The following NALF1 variants were observed in gnomAD, a reference collection of about 807,000 sequenced individuals.
The protein encoded by NALF1 is NALCN channel auxiliary factor 1, also known as family with sequence similarity 155 member A.
Under a neutral mutation model 48.4 loss-of-function variants are expected in NALF1, and 3 were observed. The observed-to-expected ratio is 0.06, with a 90% CI of 0.03 to 0.16. The LOEUF (loss-of-function observed/expected upper bound fraction) is 0.16, where lower values mean the gene tolerates loss of function less well. Ranked by LOEUF, NALF1 falls within the 10% of genes least tolerant of loss-of-function variation. The pLI is 1.00. For missense variants in NALF1, 526 were observed against 571.5 expected (o/e 0.92, Z 0.81); for synonymous variants, 262 against 245.7 (o/e 1.07, Z -0.62).
At chr13:107,828,238 C>T (rs1463287324) in intron 1 of NALF1, among the ~76,000 whole-genome samples, 1 of 152,172 alleles carries the variant, frequency 6.6e-6, no homozygotes, top group Non-Finnish European at 1.5e-5. Context: ...TTTAGTAGCA[C>T]TGACATTCCA....
At chr13:107,224,754 T>C (rs956721238) in intron 1 of NALF1, among the ~76,000 whole-genome samples, 34 of 152,150 alleles carry the variant, frequency 2.2e-4, no homozygotes, top group African/African-American at 8.0e-4. Flanking sequence ...CTGATTGTGA[T>C]ACAAATTGCA....
At chr13:107,359,548 A>G (rs548131714) in intron 1 of NALF1, among the ~76,000 whole-genome samples, 12 of 152,236 alleles carry the variant, frequency 7.9e-5, no homozygotes, top group African/African-American at 2.9e-4. Flanking sequence ...AATTACAAAA[A>G]TTATAAAGTT....
At chr13:107,276,874 C>G (rs989852958) in intron 1 of NALF1, among the ~76,000 whole-genome samples, 13 of 152,026 alleles carry the variant, frequency 8.6e-5, no homozygotes, top group Admixed American at 4.6e-4. Context: ...ATTTTAACTA[C>G]TAGATATTTA....
intron 1 of NALF1, among the ~76,000 whole-genome samples, chr13:107,602,353 T>A (rs1301117412): frequency 6.6e-6 from 1 of 152,176 alleles, no homozygotes; most frequent in Non-Finnish European, 1.5e-5. Flanking sequence ...CCTGTTATAA[T>A]GTAAGGCACA....
chr13:107,804,782 GAAC>G (rs1396822365), intron 1 of NALF1, among the ~76,000 whole-genome samples: 1 of 152,150 alleles, frequency 6.6e-6, no homozygotes, highest in Non-Finnish European at 1.5e-5. Context: ...GTGGTGTAAT[GAAC>G]AATACCAGAG....
chr13:107,666,000 CAGAA>C (rs1225633116), intron 1 of NALF1, among the ~76,000 whole-genome samples: 7 of 151,876 alleles, frequency 4.6e-5, no homozygotes, highest in Non-Finnish European at 8.8e-5. Flanking sequence ...AATTAGGAAA[CAGAA>C]AGAAGTCACA....
intron 1 of NALF1, among the ~76,000 whole-genome samples, chr13:107,454,577 C>T (rs1336066078): frequency 6.6e-6 from 1 of 152,284 alleles, no homozygotes; most frequent in Admixed American, 6.5e-5. Context: ...GGGATTACAA[C>T]ACAAGATGAT....
intron 1 of NALF1, among the ~76,000 whole-genome samples, chr13:107,217,461 G>GC (rs1297452943): frequency 6.6e-6 from 1 of 152,096 alleles, no homozygotes; most frequent in Non-Finnish European, 1.5e-5. Context: ...TTCTTTCTGG[G>GC]CAACCGTCCA....
rs147203266 is a variant in NALF1, at chr13:107,597,430, T to A, written c.915+268252A>T. Reference sequence around the variant, plus strand: ...CCTATGTAGTATTTCATCTCCCACATAATTACTTTGAAGCCTCTCCTTTTA... The same window carrying A: ...CCTATGTAGTATTTCATCTCCCACAAAATTACTTTGAAGCCTCTCCTTTTA... On this transcript the variant is annotated intron_variant, in intron 1 of 2. Transcript: ENST00000375915. 4.5e-4 allele frequency among the ~76,000 whole-genome samples: 68 copies of A among 152,310 alleles called. 1 individual carries two copies. Among genetic ancestry groups the A allele is most frequent in the African/African-American group, 1.3e-3 (56 of 41,576 alleles).
At chr13:107,657,931 G>C (rs1039873807) in intron 1 of NALF1, among the ~76,000 whole-genome samples, 1 of 152,078 alleles carries the variant, frequency 6.6e-6, no homozygotes, top group African/African-American at 2.4e-5. Context: ...GGTAAACTCT[G>C]TTTTTGTTGA....
intron 1 of NALF1, among the ~76,000 whole-genome samples, chr13:107,419,906 C>T (rs1014059728): frequency 3.3e-5 from 5 of 152,094 alleles, no homozygotes; most frequent in Admixed American, 6.6e-5. Flanking sequence ...GTTTGCCATG[C>T]GGTGTTGAGA....
intron 1 of NALF1, among the ~76,000 whole-genome samples, chr13:107,616,719 T>A (rs1879388893): frequency 6.6e-6 from 1 of 152,090 alleles, no homozygotes; most frequent in East Asian, 1.9e-4. Flanking sequence ...TGCTTTGAGG[T>A]CATCCGAATA....
chr13:107,485,420 G>GT (rs1885314597), intron 1 of NALF1, among the ~76,000 whole-genome samples: 1 of 152,100 alleles, frequency 6.6e-6, no homozygotes, highest in African/African-American at 2.4e-5. Context: ...CTCATGTTTT[G>GT]TAAGGTGCTA....
At chr13:107,607,456 A>G (rs1410718551) in intron 1 of NALF1, among the ~76,000 whole-genome samples, 1 of 152,244 alleles carries the variant, frequency 6.6e-6, no homozygotes, top group Non-Finnish European at 1.5e-5. Flanking sequence ...TATTTTCAAA[A>G]CACCAGAGGA....
At chr13:107,695,202 A>G (rs1881672044) in intron 1 of NALF1, among the ~76,000 whole-genome samples, 1 of 152,194 alleles carries the variant, frequency 6.6e-6, no homozygotes, top group South Asian at 2.1e-4. Flanking sequence ...ACCTATAACT[A>G]TATTTAAAAT....
chr13:107,767,257 T>C (rs1943095344), intron 1 of NALF1, among the ~76,000 whole-genome samples: 1 of 152,220 alleles, frequency 6.6e-6, no homozygotes, highest in Non-Finnish European at 1.5e-5. Context: ...ACATTGTGCT[T>C]TGTGACTGGA....
intron 1 of NALF1, among the ~76,000 whole-genome samples, chr13:107,794,643 G>GT: frequency 7.0e-6 from 1 of 142,448 alleles, no homozygotes; most frequent in South Asian, 2.3e-4. Context: ...ACATAATTGA[G>GT]TTAAAAAAAA....
chr13:107,206,382 C>T (rs1346234643), intron 2 of NALF1, among the ~76,000 whole-genome samples: 1 of 152,162 alleles, frequency 6.6e-6, no homozygotes, highest in Non-Finnish European at 1.5e-5. Context: ...TAGTAATGGA[C>T]ATGCATTCTC....
Position 107,743,458 on chromosome 13 carries a change from T to C in NALF1, c.915+122224A>G, listed in dbSNP as rs79070258. On this transcript the variant is annotated intron_variant, in intron 1 of 2. Transcript: ENST00000375915. ...TAGCAGAGAATACTGTTGAAGGTAA[T>C]AAAGGGAATAAGAATGAAAGCACAA... Among the ~76,000 whole-genome samples, 488 of 152,196 alleles carry C rather than the reference T, an allele frequency of 3.2e-3. 3 individuals are homozygous for C. The highest frequency in any genetic ancestry group is 0.011 in the African/African-American group (464 of 41,522).
Sources: allele counts gnomAD v4.1 joint callset (sites outside exome capture counted in the v4.1 genomes callset), GRCh38; gene constraint gnomAD v4.1.1; transcripts MANE v1.5; gene names NCBI Gene and HGNC (gene_info 2026-07-23, HGNC 2026-07-21).